SLA: variants seen among roughly 807,000 people sequenced by gnomAD.
SLA encodes the protein Src like adaptor.
SLA carries 16 observed loss-of-function variants against 30.3 expected under a neutral mutation model. That is an observed-to-expected ratio of 0.53 (90% CI 0.36 to 0.80). The LOEUF (loss-of-function observed/expected upper bound fraction) is 0.80. Among genes scored for constraint, SLA ranks in the 30% least tolerant of loss-of-function variants. The pLI is 0.01. For missense variants in SLA, 310 were observed against 345.2 expected, an observed-to-expected ratio of 0.90 and a Z score of 0.81; for synonymous variants, 143 against 137.8, an observed-to-expected ratio of 1.04 and a Z score of -0.26.
At chr8:133,052,272 A>G (rs1840548119) in intron 3 of SLA, among the ~76,000 whole-genome samples, 2 of 152,176 alleles carry the variant, frequency 1.3e-5, no homozygotes, top group African/African-American at 4.8e-5. Flanking sequence ...TCGATTGATA[A>G]ATAAATTAGA....
chr8:133,041,141 G>A (rs1008749721), intron 7 of SLA, among the ~76,000 whole-genome samples: 1 of 152,200 alleles, frequency 6.6e-6, no homozygotes, highest in Non-Finnish European at 1.5e-5. Flanking sequence ...CTGTGCCCTG[G>A]GGGGAGATGA....
intron 7 of SLA, among the ~76,000 whole-genome samples, chr8:133,043,113 G>A (rs1387161702): frequency 6.6e-6 from 1 of 152,154 alleles, no homozygotes; most frequent in South Asian, 2.1e-4. Context: ...TATTCACAGA[G>A]GTGAACAGAT....
At chr8:133,053,357 T>C (rs1840783895) in intron 3 of SLA, among the ~76,000 whole-genome samples, 1 of 152,208 alleles carries the variant, frequency 6.6e-6, no homozygotes, top group South Asian at 2.1e-4. Flanking sequence ...GTCTGTAGCC[T>C]GTGCCACACC....
intron 1 of SLA, among the ~76,000 whole-genome samples, chr8:133,088,917 A>C (rs1366055764): frequency 6.7e-6 from 1 of 148,634 alleles, no homozygotes; most frequent in Non-Finnish European, 1.5e-5. Flanking sequence ...AACATGCAAG[A>C]GAATACAAAT....
chr8:133,060,409 A>G lies in SLA; in HGVS notation c.-40-209T>C, dbSNP rs2131329530. 4 of 1,503,486 alleles carry G rather than the reference A, an allele frequency of 2.7e-6. No homozygotes were observed. The African/African-American group carries it at 4.3e-5, about 16-fold the overall frequency. 93.1% of individuals were successfully genotyped at this position (1,503,486 alleles called of 1,614,324 possible). ...ATCAAGGGAATGACAGAAAAACCAC[A>G]GAGAGGGAAGTTGCTAGCAAATGCT... On this transcript the variant is annotated intron_variant, in intron 2 of 8. Transcript: ENST00000338087.
At position 133,075,143 on chromosome 8, in the gene SLA, A is replaced by T; in HGVS notation, c.-318-13T>A. On this transcript the variant is annotated splice_polypyrimidine_tract_variant and intron_variant, in intron 1 of 8. Transcript: ENST00000338087. ...CTCTCTGCAAGGACTGGGAAGATAG[A>T]TGGGTTATTAATTTTTTTACAAAGC... The T allele has an allele frequency of 2.0e-6, 2 of 985,042 alleles. No homozygotes were observed. Among genetic ancestry groups the T allele is most frequent in the Non-Finnish European group, 2.4e-6 (2 of 829,566 alleles). The allele number at this position is 985,042 out of a possible 1,614,324, so 61.0% of individuals were successfully genotyped here.
chr8:133,060,393 A>G lies in SLA; in HGVS notation c.-40-193T>C, dbSNP rs1329962243. 2.6e-6 allele frequency: 4 copies of G among 1,518,538 alleles called. No homozygotes were observed. The African/African-American group carries it at 5.7e-5, about 21-fold the overall frequency. 94.1% of individuals were successfully genotyped at this position (1,518,538 alleles called of 1,614,324 possible). On this transcript the variant is annotated intron_variant, in intron 2 of 8. Coordinates refer to ENST00000338087, the MANE Select transcript of SLA (RefSeq NM_001045556.3). ...CAGCTCAAGTTCTTTTATCAAGGGA[A>G]TGACAGAAAAACCACAGAGAGGGAA...
At chr8:133,058,346 G>A (rs1372896938) in intron 3 of SLA, among the ~76,000 whole-genome samples, 1 of 152,122 alleles carries the variant, frequency 6.6e-6, no homozygotes, top group East Asian at 1.9e-4. Context: ...GTGGAGGGGT[G>A]GGGAGACCCC....
At chr8:133,068,656 C>T (rs1337923454) in intron 2 of SLA, among the ~76,000 whole-genome samples, 3 of 152,310 alleles carry the variant, frequency 2.0e-5, no homozygotes, top group Middle Eastern at 3.4e-3. Context: ...ACCACACTGA[C>T]GCAAGGGGCT....
At chr8:133,094,442 G>A (rs1426923927) in intron 1 of SLA, among the ~76,000 whole-genome samples, 1 of 151,784 alleles carries the variant, frequency 6.6e-6, no homozygotes, top group African/African-American at 2.4e-5. Flanking sequence ...GGGTTTCACT[G>A]TGTTAGCCAG....
chr8:133,087,928 T>G (rs1194996000), intron 1 of SLA: 1 of 152,226 alleles, frequency 6.6e-6, no homozygotes, highest in Non-Finnish European at 1.5e-5. Context: ...ACTGGCAGGA[T>G]TTTAAACTTC....
intron 4 of SLA, chr8:133,050,546 G>T: frequency 2.7e-6 from 1 of 374,330 alleles, no homozygotes; most frequent in Non-Finnish European, 4.9e-6. Context: ...GAGATAAGAA[G>T]AATATGAGAA....
At chr8:133,082,701 T>C (rs1845937392) in intron 1 of SLA, among the ~76,000 whole-genome samples, 1 of 152,226 alleles carries the variant, frequency 6.6e-6, no homozygotes, top group South Asian at 2.1e-4. Context: ...GCCCAATCAC[T>C]TCTAAGTGTG....
chr8:133,080,979 G>A (rs546290676), intron 1 of SLA, among the ~76,000 whole-genome samples: 13 of 152,356 alleles, frequency 8.5e-5, no homozygotes, highest in African/African-American at 2.2e-4. Flanking sequence ...GACACATTGC[G>A]TATTGGAGTA....
chr8:133,039,985 A>G lies in SLA; in HGVS notation c.617+13T>C. 3 of 1,545,192 alleles carry G rather than the reference A, an allele frequency of 1.9e-6. No individual in the cohort carries two copies. The South Asian group carries it at 3.6e-5, about 18-fold the overall frequency. Reference sequence around the variant, plus strand: ...CACACACACACACACACACATACACACACCATACTCACCTGGACACTCTCC... The same window carrying G: ...CACACACACACACACACACATACACGCACCATACTCACCTGGACACTCTCC... On this transcript the variant is annotated intron_variant, in intron 8 of 8. Transcript: ENST00000338087.
chr8:133,065,619 G>A lies in SLA; in HGVS notation c.-40-5419C>T, dbSNP rs777604628. Among the ~76,000 whole-genome samples the A allele has an allele frequency of 4.0e-5, 6 of 151,886 alleles. No individual in the cohort carries two copies. The South Asian group carries it at 1.2e-3, about 32-fold the overall frequency. ...TCTACTAAAAATACAAAAATTAGCC[G>A]GACATGTTGGCACATGCCTGTAATC... On this transcript the variant is annotated intron_variant, in intron 2 of 8. Coordinates refer to ENST00000338087, the MANE Select transcript of SLA (RefSeq NM_001045556.3).
chr8:133,063,088 A>G (rs1249956314), intron 2 of SLA, among the ~76,000 whole-genome samples: 1 of 152,042 alleles, frequency 6.6e-6, no homozygotes, highest in Non-Finnish European at 1.5e-5. Context: ...CTCTGAAACC[A>G]CATGTGTGCT....
intron 3 of SLA, among the ~76,000 whole-genome samples, chr8:133,051,293 A>G (rs1439269457): frequency 6.6e-6 from 1 of 152,162 alleles, no homozygotes; most frequent in African/African-American, 2.4e-5. Context: ...GGTCCTTAGG[A>G]GAGGAGATGA....
chr8:133,052,388 C>T (rs9942754), intron 3 of SLA, among the ~76,000 whole-genome samples: 6,244 of 152,240 alleles, frequency 0.041, 319 homozygotes, highest in African/African-American at 0.12. Context: ...GGGTGTAAGA[C>T]AGAAACCAAG....
Sources: allele counts gnomAD v4.1 joint callset (sites outside exome capture counted in the v4.1 genomes callset), GRCh38; gene constraint gnomAD v4.1.1; transcripts MANE v1.5; gene names NCBI Gene and HGNC (gene_info 2026-07-23, HGNC 2026-07-21).